The following SLC28A3 variants were observed in gnomAD, a reference collection of about 807,000 sequenced individuals.
SLC28A3 encodes solute carrier family 28 member 3, also known as concentrative Na(+)-nucleoside cotransporter 3.
In SLC28A3, 68 loss-of-function variants were observed where a neutral mutation model predicts 84.2. That is an observed-to-expected ratio of 0.81 (90% CI 0.66 to 0.99). SLC28A3 has a LOEUF of 0.99. Among genes scored for constraint, SLC28A3 ranks in the 50% least tolerant of loss-of-function variants. The probability of loss-of-function intolerance (pLI) is 0.00; values close to 1 mark genes in which losing one functional copy is unlikely to be tolerated. For missense variants in SLC28A3, 712 were observed against 841.5 expected, an observed-to-expected ratio of 0.85 and a Z score of 1.90; for synonymous variants, 267 against 303.6, an observed-to-expected ratio of 0.88 and a Z score of 1.25.
At chr9:84,305,203 A>AG in intron 4 of SLC28A3, 51 bp downstream of exon 4, 2 of 93,562 alleles carry the variant, frequency 2.1e-5, no homozygotes, top group Non-Finnish European at 3.2e-5. Flanking sequence ...GGAATCCCTG[A>AG]AAAAAAAAAA....
At chr9:84,309,545 A>AAAAG in intron 3 of SLC28A3, 84 bp downstream of exon 3, 1 of 841,942 alleles carries the variant, frequency 1.2e-6, no homozygotes, top group Non-Finnish European at 1.8e-6. Flanking sequence ...AAAAAAAAAA[A>AAAAG]AAAGAAATCA....
At chr9:84,343,462 A>G (rs929044979), upstream of SLC28A3, among the ~76,000 whole-genome samples, 3 of 152,186 alleles carry the variant, frequency 2.0e-5, no homozygotes, top group Admixed American at 6.5e-5. Context: ...CAGTGTATAC[A>G]TAATGATTAA....
the SLC28A3 span, among the ~76,000 whole-genome samples, chr9:84,350,152 T>C: frequency 3.9e-5 from 6 of 152,082 alleles, no homozygotes; most frequent in Admixed American, 3.9e-4. Context: ...TAGTAAAAAA[T>C]ATGGTAGGCC....
At chr9:84,334,385 G>A (rs1335956281) in intron 1 of SLC28A3, among the ~76,000 whole-genome samples, 1 of 152,198 alleles carries the variant, frequency 6.6e-6, no homozygotes, top group East Asian at 1.9e-4. Flanking sequence ...CAAAGGTACT[G>A]CTTGGGGATT....
intron 11 of SLC28A3, 97 bp from the exon 12 acceptor site, chr9:84,288,275 G>C (rs959977445): frequency 1.3e-6 from 2 of 1,530,970 alleles, no homozygotes; most frequent in African/African-American, 1.4e-5. Flanking sequence ...AAACAGGGCA[G>C]GGGTTGTTTC....
intron 1 of SLC28A3, among the ~76,000 whole-genome samples, chr9:84,313,696 ACC>A (rs1826068141): frequency 6.6e-6 from 1 of 151,764 alleles, no homozygotes; most frequent in South Asian, 2.1e-4. Flanking sequence ...GGGAGGGGAG[ACC>A]AGCCTGGGCA....
intron 1 of SLC28A3, among the ~76,000 whole-genome samples, chr9:84,322,756 T>C (rs1459026400): frequency 2.0e-5 from 3 of 152,106 alleles, no homozygotes; most frequent in African/African-American, 7.2e-5. Context: ...TGAGAATCGC[T>C]TGAGCCCAGG....
chr9:84,294,142 G>A (rs2118203939), intron 9 of SLC28A3, 53 bp downstream of exon 9: 5 of 1,556,892 alleles, frequency 3.2e-6, no homozygotes, highest in South Asian at 2.3e-5. Flanking sequence ...AGGACTTCGT[G>A]CCTGAGATAA....
At chr9:84,298,606 A>G (rs1825508249) in intron 6 of SLC28A3, among the ~76,000 whole-genome samples, 2 of 152,214 alleles carry the variant, frequency 1.3e-5, no homozygotes, top group South Asian at 4.1e-4. Context: ...CTTGGATAGA[A>G]ACAGTAGTCT....
At chr9:84,323,783 C>T (rs948566998) in intron 1 of SLC28A3, among the ~76,000 whole-genome samples, 30 of 151,880 alleles carry the variant, frequency 2.0e-4, no homozygotes, top group Admixed American at 1.7e-3. Flanking sequence ...CATCTATCAC[C>T]CTCCCTTGAC....
At chr9:84,314,260 C>T (rs183617235) in intron 1 of SLC28A3, among the ~76,000 whole-genome samples, 140 of 152,156 alleles carry the variant, frequency 9.2e-4, no homozygotes, top group Admixed American at 1.7e-3. Context: ...AGGAACTGAA[C>T]GAGATTTGCT....
chr9:84,287,178 A>C (rs1046745738), intron 12 of SLC28A3, among the ~76,000 whole-genome samples: 3 of 150,220 alleles, frequency 2.0e-5, no homozygotes, highest in Non-Finnish European at 4.4e-5. Flanking sequence ...ACAAACAAAC[A>C]AAAAAACAAC....
At chr9:84,280,953 C>T in intron 14 of SLC28A3, 71 bp from the exon 15 acceptor site, 4 of 1,416,490 alleles carry the variant, frequency 2.8e-6, no homozygotes, top group Non-Finnish European at 4.0e-6. Flanking sequence ...TCCAACTGGG[C>T]TTCATTTTGA....
rs138399925 is a variant in SLC28A3 at position 84,336,142 on chromosome 9, A to G, written c.60+4432T>C. Among the ~76,000 whole-genome samples the G allele has an allele frequency of 2.3e-3, 343 of 151,936 alleles. 2 individuals carry two copies. The highest frequency in any genetic ancestry group is 7.9e-3 in the African/African-American group (328 of 41,440). On this transcript the variant is annotated intron_variant, in intron 1 of 17. Coordinates refer to ENST00000376238, the MANE Select transcript of SLC28A3 (RefSeq NM_001199633.2). The stretch of plus-strand genomic sequence containing the variant: ...CACTTTGGAAGGCTGAAGCAGGCAG[A>G]TCACTTGAGCTCAGGAGTTTGAGAT...
At chr9:84,361,618 G>C in the SLC28A3 span, among the ~76,000 whole-genome samples, 1 of 152,088 alleles carries the variant, frequency 6.6e-6, no homozygotes, top group Admixed American at 6.6e-5. Context: ...TTTGTCCCCT[G>C]TGAGGATGCG....
the SLC28A3 span, among the ~76,000 whole-genome samples, chr9:84,350,117 A>T: frequency 0.15 from 22,976 of 152,240 alleles, 1,850 homozygotes; most frequent in South Asian, 0.24. Context: ...TGTGCATTTA[A>T]ATATATCTAA....
chr9:84,294,066 G>C (rs1476068949), intron 9 of SLC28A3, 129 bp downstream of exon 9: 6 of 731,324 alleles, frequency 8.2e-6, no homozygotes, highest in Non-Finnish European at 1.3e-5. Flanking sequence ...TAATCACTTA[G>C]GTGGTGATGG....
At chr9:84,358,068 G>A in the SLC28A3 span, among the ~76,000 whole-genome samples, 1 of 152,282 alleles carries the variant, frequency 6.6e-6, no homozygotes, top group South Asian at 2.1e-4. Flanking sequence ...AAACCAGATA[G>A]CAAGATGGAA....
At chr9:84,312,702 C>A (rs1340334311) in intron 2 of SLC28A3, among the ~76,000 whole-genome samples, 1 of 152,138 alleles carries the variant, frequency 6.6e-6, no homozygotes, top group Non-Finnish European at 1.5e-5. Flanking sequence ...CCACGCCCAG[C>A]TAATTTTTGT....
Sources: allele counts gnomAD v4.1 joint callset (sites outside exome capture counted in the v4.1 genomes callset), GRCh38; gene constraint gnomAD v4.1.1; transcripts MANE v1.5; gene names NCBI Gene and HGNC (gene_info 2026-07-23, HGNC 2026-07-21).